NDE1: variants seen among roughly 807,000 people sequenced by gnomAD.
NDE1 encodes nudE neurodevelopment protein 1.
Under a neutral mutation model 43.4 loss-of-function variants are expected in NDE1, and 28 were observed. The ratio of observed to expected loss-of-function variants is 0.65; its 90% confidence interval spans 0.48 to 0.89. NDE1 has a LOEUF of 0.89. Ranked by LOEUF, NDE1 falls within the 40% of genes least tolerant of loss-of-function variation. The pLI is 0.00. For synonymous variants in NDE1, 184 were observed against 172.0 expected, an observed-to-expected ratio of 1.07 and a Z score of -0.55; for missense variants, 441 against 434.1, an observed-to-expected ratio of 1.02 and a Z score of -0.14.
At chr16:15,695,756 T>G (rs1286116780) in intron 7 of NDE1, 1 of 961,556 alleles carries the variant, frequency 1.0e-6, no homozygotes, top group Non-Finnish European at 1.2e-6. Flanking sequence ...TTTTTGGCTG[T>G]CTGGTTTGCT....
chr16:15,723,427 A>G (rs2040586816), intron 8 of NDE1, among the ~76,000 whole-genome samples: 2 of 152,212 alleles, frequency 1.3e-5, no homozygotes, highest in Non-Finnish European at 2.9e-5. Context: ...CAGGCAGATC[A>G]TGTGAGGCCA....
In NDE1 at chr16:15,724,960, G is replaced by A. The variant is rs541280738; in HGVS notation, c.*709G>A. 7.2e-5 allele frequency: 117 copies of A among 1,614,084 alleles called. No individual in the cohort carries two copies. In the South Asian group the frequency reaches 8.3e-4, roughly 12 times the overall value. ...GCTTAATGGCCTTCCCCTCGGCCTC[G>A]TTAAGCATCCCTGTGACGCTCTCAA... On this transcript the variant is annotated 3_prime_UTR_variant, in exon 9 of 9. Coordinates refer to ENST00000396354, the MANE Select transcript of NDE1 (RefSeq NM_017668.3).
At chr16:15,716,100 CAAAAAAATAAAAATAA>C in intron 8 of NDE1, among the ~76,000 whole-genome samples, 1 of 151,806 alleles carries the variant, frequency 6.6e-6, no homozygotes, top group South Asian at 2.1e-4. Context: ...GACTATGTCT[CAAAAAAATAAAAATAA>C]AAAAGTCTTG....
chr16:15,702,595 G>A (rs1164287967), intron 8 of NDE1, among the ~76,000 whole-genome samples: 1 of 150,240 alleles, frequency 6.7e-6, no homozygotes, highest in Non-Finnish European at 1.5e-5. Flanking sequence ...TTTTTATAGA[G>A]ACGGGGGTCT....
Position 15,720,327 on chromosome 16 carries a change from G to C in NDE1, c.948-3864G>C, listed in dbSNP as rs753012907. 6.2e-7 allele frequency: 1 copy of C among 1,612,160 alleles called. No homozygotes were observed. Among genetic ancestry groups the C allele is most frequent in the Non-Finnish European group, 8.5e-7 (1 of 1,179,156 alleles). ...TACTCGTGAAGCTGGGCGAGGAATA[G>C]AGATGTGTGCTGCCCCACTTGCCCC... On this transcript the variant is annotated intron_variant, in intron 8 of 8. Transcript: ENST00000396354.
chr16:15,665,928 G>T (rs543265815), intron 2 of NDE1, among the ~76,000 whole-genome samples: 1 of 152,058 alleles, frequency 6.6e-6, no homozygotes, highest in East Asian at 1.9e-4. Flanking sequence ...AGCTAATTTT[G>T]TATTTTTAGT....
intron 8 of NDE1, 66 bp downstream of exon 8, chr16:15,696,926 C>G: frequency 6.3e-7 from 1 of 1,591,762 alleles, no homozygotes; most frequent in Non-Finnish European, 8.6e-7. Context: ...AAGAGACACT[C>G]ACCCCCAGCC....
At chr16:15,656,357 C>T (rs1050243723) in intron 1 of NDE1, among the ~76,000 whole-genome samples, 1 of 152,008 alleles carries the variant, frequency 6.6e-6, no homozygotes, top group African/African-American at 2.4e-5. Flanking sequence ...TCTCCTCAGT[C>T]CTTGAAATCC....
chr16:15,678,277 G>T (rs1322227574), intron 4 of NDE1, among the ~76,000 whole-genome samples: 1 of 152,198 alleles, frequency 6.6e-6, no homozygotes, highest in African/African-American at 2.4e-5. Flanking sequence ...TAGCCATGAT[G>T]CCAGGAGGGG....
intron 8 of NDE1, chr16:15,721,591 T>A: frequency 6.2e-7 from 1 of 1,614,190 alleles, no homozygotes; most frequent in Non-Finnish European, 8.5e-7. Context: ...TCTGTCCCTC[T>A]CATCCGCGTA....
chr16:15,719,657 C>T, intron 8 of NDE1: 1 of 1,614,214 alleles, frequency 6.2e-7, no homozygotes, highest in Non-Finnish European at 8.5e-7. Flanking sequence ...TGGCAAAGAT[C>T]TCATCTCTGG....
At chr16:15,704,173 G>T in intron 8 of NDE1, 1 of 1,607,962 alleles carries the variant, frequency 6.2e-7, no homozygotes, top group African/African-American at 1.3e-5. Context: ...CTTCATGGTT[G>T]GGATAGATTT....
chr16:15,691,268 C>G lies in NDE1; in HGVS notation c.648C>G (p.Pro216=). The part of the protein sequence containing the change: ...VQATGSVPST[P]IAHRGPSSSL... Reference sequence around the variant, plus strand: ...CCACGGGCTCCGTGCCGTCCACGCCCATTGCTCACCGAGGACCCAGCTCAA... The same window carrying G: ...CCACGGGCTCCGTGCCGTCCACGCCGATTGCTCACCGAGGACCCAGCTCAA... Residue 216 remains proline, a synonymous_variant, in exon 6 of 9, where the codon CCC becomes CCG. Transcript: ENST00000396354. 1 of 1,614,172 alleles carries G rather than the reference C, an allele frequency of 6.2e-7. No homozygotes were observed. The highest frequency in any genetic ancestry group is 8.5e-7 in the Non-Finnish European group (1 of 1,180,024).
At chr16:15,717,377 G>C (rs200437188) in intron 8 of NDE1, 1 of 1,600,708 alleles carries the variant, frequency 6.2e-7, no homozygotes, top group South Asian at 1.1e-5. Context: ...GCCATGAGGC[G>C]GACTCAGGGA....
intron 8 of NDE1, among the ~76,000 whole-genome samples, chr16:15,705,307 A>T (rs1178768100): frequency 6.6e-6 from 1 of 152,122 alleles, no homozygotes; most frequent in Non-Finnish European, 1.5e-5. Context: ...AGCTCCAGCC[A>T]GTAGGACACC....
chr16:15,650,969 C>T (rs745782603), intron 1 of NDE1, among the ~76,000 whole-genome samples: 42 of 152,186 alleles, frequency 2.8e-4, no homozygotes, highest in African/African-American at 9.6e-4. Flanking sequence ...CTTCTGACAG[C>T]ACTTTGGGGA....
At chr16:15,656,145 G>GA (rs901650600) in intron 1 of NDE1, among the ~76,000 whole-genome samples, 33 of 149,854 alleles carry the variant, frequency 2.2e-4, no homozygotes, top group South Asian at 1.1e-3. Flanking sequence ...TAAAGAAAAA[G>GA]AAAAAAAAAG....
At chr16:15,662,135 T>C (rs2037077484) in intron 1 of NDE1, among the ~76,000 whole-genome samples, 1 of 151,672 alleles carries the variant, frequency 6.6e-6, no homozygotes. Flanking sequence ...GGTAGGGTCT[T>C]GCTGTGTTTC....
chr16:15,712,187 A>G (rs1015409072), intron 8 of NDE1, among the ~76,000 whole-genome samples: 1 of 152,186 alleles, frequency 6.6e-6, no homozygotes, highest in African/African-American at 2.4e-5. Flanking sequence ...GGGGTGCAGC[A>G]TGTTTGGTGT....
Sources: allele counts gnomAD v4.1 joint callset (sites outside exome capture counted in the v4.1 genomes callset), GRCh38; gene constraint gnomAD v4.1.1; transcripts MANE v1.5; gene names NCBI Gene and HGNC (gene_info 2026-07-23, HGNC 2026-07-21).